Variants in KLHL6 observed in about 807,000 individuals in gnomAD.
KLHL6 encodes the protein kelch-like protein 6.
KLHL6 carries 41 observed loss-of-function variants against 58.6 expected under a neutral mutation model. That is an observed-to-expected ratio of 0.70 (90% CI 0.55 to 0.91). KLHL6 has a LOEUF of 0.91. Among genes scored for constraint, KLHL6 ranks in the 40% least tolerant of loss-of-function variants. The pLI is 0.00. For synonymous variants in KLHL6, 338 were observed against 322.7 expected (o/e 1.05, Z -0.51); for missense variants, 714 against 805.6 (o/e 0.89, Z 1.38).
intron 3 of KLHL6, among the ~76,000 whole-genome samples, chr3:183,501,975 G>A (rs1452747598): frequency 6.6e-6 from 1 of 152,104 alleles, no homozygotes; most frequent in Non-Finnish European, 1.5e-5. Context: ...GGAGCTTGTG[G>A]GCATCTATAA....
intron 2 of KLHL6, among the ~76,000 whole-genome samples, chr3:183,522,129 C>T (rs899363845): frequency 2.3e-4 from 35 of 151,742 alleles, no homozygotes; most frequent in African/African-American, 8.4e-4. Context: ...AGTTCGAGAC[C>T]AGCCTGGCCA....
At chr3:183,533,432 T>C (rs976125234) in intron 1 of KLHL6, among the ~76,000 whole-genome samples, 2 of 141,688 alleles carry the variant, frequency 1.4e-5, no homozygotes, top group African/African-American at 5.3e-5. Context: ...CACACCCAAC[T>C]TTTTTTTTTT....
intron 2 of KLHL6, chr3:183,520,858 C>T (rs1711733251): frequency 6.6e-6 from 1 of 151,882 alleles, no homozygotes; most frequent in Non-Finnish European, 1.5e-5. Flanking sequence ...CAGATGCCTT[C>T]CTCTTATCTC....
Position 183,492,367 on chromosome 3 carries a change from A to C in KLHL6, c.1564+127T>G. 7.7e-7 allele frequency: 1 copy of C among 1,306,216 alleles called. No homozygotes were observed. Among genetic ancestry groups the C allele is most frequent in the Non-Finnish European group, 1.1e-6 (1 of 945,524 alleles). The allele number at this position is 1,306,216 out of a possible 1,614,324, so 80.9% of individuals were successfully genotyped here. A position where few individuals can be genotyped will look rare whatever the true frequency, so the allele number is the denominator to read the frequency against. On this transcript the variant is annotated intron_variant, in intron 6 of 6. Transcript: ENST00000341319. This position sits in a 1 kb window ranked among gnomAD's most constrained non-coding sequence, Gnocchi z 5.9. ...ACAGTCGATTGATGGCTCTCCTGAA[A>C]GCCAGAGTGGGTCCTAGGGGCAGTG...
At chr3:183,511,504 G>A (rs1274820043) in intron 2 of KLHL6, among the ~76,000 whole-genome samples, 2 of 152,166 alleles carry the variant, frequency 1.3e-5, no homozygotes, top group South Asian at 2.1e-4. Context: ...GACCCTTCAC[G>A]GGTGTCGGGC....
chr3:183,553,484 G>A (rs973955145), intron 1 of KLHL6, among the ~76,000 whole-genome samples: 3 of 152,204 alleles, frequency 2.0e-5, no homozygotes, highest in African/African-American at 7.2e-5. Context: ...GGATACAAAA[G>A]GATCAACCTA....
intron 1 of KLHL6, among the ~76,000 whole-genome samples, chr3:183,540,390 C>G (rs1003200948): frequency 6.6e-6 from 1 of 152,178 alleles, no homozygotes; most frequent in Admixed American, 6.5e-5. Context: ...CCAACTATAC[C>G]TGAAACCATT....
intron 1 of KLHL6, among the ~76,000 whole-genome samples, 163 bp from the exon 2 acceptor site, chr3:183,528,173 C>T (rs752569490): frequency 2.6e-5 from 4 of 152,124 alleles, no homozygotes; most frequent in East Asian, 1.9e-4. Context: ...ACGCATTAGA[C>T]ATTTCATCAG....
Position 183,488,767 on chromosome 3 carries a change from C to G in KLHL6, c.*3160G>C, listed in dbSNP as rs1395078227. On this transcript the variant is annotated 3_prime_UTR_variant, in exon 7 of 7. Transcript: ENST00000341319. ...TGGCTGGTGCCTAGAAGCTAAAACC[C>G]TGATGACTATTCTTAAGTTTCCCCC... 1 of 152,240 alleles carries G rather than the reference C, an allele frequency of 6.6e-6. No homozygotes were observed. The highest frequency in any genetic ancestry group is 2.4e-5 in the African/African-American group (1 of 41,466). 9.4% of individuals were successfully genotyped at this position (152,240 alleles called of 1,614,324 possible). A position where few individuals can be genotyped will look rare whatever the true frequency, so the allele number is the denominator to read the frequency against.
At chr3:183,546,853 C>T (rs562006557) in intron 1 of KLHL6, among the ~76,000 whole-genome samples, 29 of 151,966 alleles carry the variant, frequency 1.9e-4, no homozygotes, top group African/African-American at 6.0e-4. Flanking sequence ...AGCAATTCCT[C>T]CAAGATTTAC....
At chr3:183,550,882 A>G (rs1712888750) in intron 1 of KLHL6, among the ~76,000 whole-genome samples, 1 of 152,106 alleles carries the variant, frequency 6.6e-6, no homozygotes, top group African/African-American at 2.4e-5. Flanking sequence ...GCACTTTGGG[A>G]GGCCAAGGTG....
chr3:183,497,341 G>A (rs1014322102), intron 4 of KLHL6, among the ~76,000 whole-genome samples: 2 of 152,204 alleles, frequency 1.3e-5, no homozygotes, highest in African/African-American at 4.8e-5. Context: ...GAACCTGGGA[G>A]GCAGAGGTTG....
intron 4 of KLHL6, among the ~76,000 whole-genome samples, chr3:183,496,167 C>T (rs975067504): frequency 5.9e-5 from 9 of 151,734 alleles, no homozygotes; most frequent in Non-Finnish European, 8.8e-5. Flanking sequence ...ATATTTGCAA[C>T]ACAAATAGCA....
In KLHL6 at chr3:183,492,699, G is replaced by C. The variant is rs767195070; in HGVS notation, c.1359C>G (p.Pro453=). 9 of 1,613,258 alleles carry C rather than the reference G, an allele frequency of 5.6e-6. No homozygotes were observed. The highest frequency in any genetic ancestry group is 7.6e-6 in the Non-Finnish European group (9 of 1,180,004). ...PFHNCWSEAA[P]LLVHVSSFAA... is the part of the protein sequence containing the mutation. ...CAAAGGAACTGACATGGACAAGGAG[G>C]GGTGCGGCCTGTAGAGGCACAGGGC... Residue 453 remains proline (P), a synonymous_variant, in exon 6 of 7, where the codon CCC becomes CCG. Transcript: ENST00000341319. The surrounding 1 kb of genome is among the most constrained non-coding windows in gnomAD (Gnocchi z 5.9).
intron 5 of KLHL6, chr3:183,493,443 CTG>C (rs1717628833): frequency 6.5e-6 from 1 of 154,136 alleles, no homozygotes; most frequent in Non-Finnish European, 1.4e-5. Flanking sequence ...CCTACAATGA[CTG>C]TGTTGTACAT....
At position 183,555,537 on chromosome 3, in the gene KLHL6, G is replaced by A. The variant is rs267599704; in HGVS notation, c.117C>T (p.Val39=). The A allele has an allele frequency of 3.1e-6, 5 of 1,613,972 alleles. No individual in the cohort carries two copies. The highest frequency in any genetic ancestry group is 2.2e-5 in the East Asian group (1 of 44,900). ...DEPSQKTGDL[V]EILNGEKVKF... ...TGACCTTTTCCCCATTTAAGATCTC[G>A]ACCAAGTCTCCTGTTTTCTGGGAGG... The change falls in exon 1 of 7, where the codon GTC becomes GTT. Residue 39 remains valine, a synonymous_variant. Transcript: ENST00000341319.
chr3:183,555,365 A>G lies in KLHL6; in HGVS notation c.289T>C (p.Phe97Leu), dbSNP rs746342514. 2 of 1,613,838 alleles carry G rather than the reference A, an allele frequency of 1.2e-6. No individual in the cohort carries two copies. Among genetic ancestry groups the G allele is most frequent in the Non-Finnish European group, 8.5e-7 (1 of 1,179,812 alleles). The change falls in exon 1 of 7, where the codon TTC (phenylalanine) becomes CTC (leucine). Residue 97 changes from phenylalanine to leucine, a missense_variant. By Grantham distance (22) the Phe-to-Leu change is conservative. This residue lies in a region of KLHL6 where 204 missense variants were observed against 175.9 expected (regional missense o/e 1.16). Coordinates refer to ENST00000341319, the MANE Select transcript of KLHL6 (RefSeq NM_130446.4). ...RVVLAAASNYFRAMFCNDLKE... is the reference protein window; with the variant it reads ...RVVLAAASNYLRAMFCNDLKE... ...TCTGGTCCTAGGCATGCTGACCTGA[A>G]ATAGTTGCTGGCTGCGGCAAGCACC...
At chr3:183,510,529 A>C (rs1280738386) in intron 2 of KLHL6, among the ~76,000 whole-genome samples, 1 of 152,154 alleles carries the variant, frequency 6.6e-6, no homozygotes, top group Non-Finnish European at 1.5e-5. Flanking sequence ...ATCAACCTCT[A>C]TTGCAAAATA....
At chr3:183,517,002 G>A (rs146129594) in intron 2 of KLHL6, among the ~76,000 whole-genome samples, 2,349 of 152,196 alleles carry the variant, frequency 0.015, 56 homozygotes, top group African/African-American at 0.054. Flanking sequence ...TTCACCTCCC[G>A]GGTTCAAGTG....
Sources: gnomAD v4.1 joint callset for allele counts (sites outside exome capture counted in the v4.1 genomes callset) on GRCh38, gnomAD v4.1.1 for gene constraint, gnomAD v4.1.1 regional missense constraint, Gnocchi (gnomAD v3.1) non-coding constraint, MANE v1.5 for transcripts, NCBI Gene and HGNC (gene_info 2026-07-23, HGNC 2026-07-21) for gene names.